The following CACNA1A variants were observed in gnomAD, a reference collection of about 807,000 sequenced individuals.
CACNA1A encodes voltage-dependent P/Q-type calcium channel subunit alpha-1A.
A neutral mutation model predicts 262.4 loss-of-function variants in CACNA1A; 57 were observed. That is an observed-to-expected ratio of 0.22 (90% CI 0.18 to 0.27). The LOEUF is 0.27. Ranked by LOEUF, CACNA1A falls within the 10% of genes least tolerant of loss-of-function variation. CACNA1A has a pLI of 1.00. For synonymous variants in CACNA1A, 1,431 were observed against 1,419.3 expected, an observed-to-expected ratio of 1.01 and a Z score of -0.18; for missense variants, 2,526 against 3,562.8, an observed-to-expected ratio of 0.71 and a Z score of 7.41.
chr19:13,308,372 A>G lies in CACNA1A; in HGVS notation c.1781+44T>C. 1 of 1,288,690 alleles carries G rather than the reference A, an allele frequency of 7.8e-7. No individual in the cohort carries two copies. The highest frequency in any genetic ancestry group is 1.1e-6 in the Non-Finnish European group (1 of 917,528). The allele number at this position is 1,288,690 out of a possible 1,614,324, so 79.8% of individuals were successfully genotyped here. ...TGGAGGCGGCCCCACCATGTCCCCC[A>G]TCCCCACCCCCTGTACAAATGTCCA... On this transcript the variant is annotated intron_variant, in intron 13 of 46. Coordinates refer to ENST00000360228, the MANE Select transcript of CACNA1A (RefSeq NM_001127222.2). The surrounding 1 kb of genome is among the most constrained non-coding windows in gnomAD (Gnocchi z 4.2).
At chr19:13,267,318 G>C (rs2056887442) in intron 24 of CACNA1A, among the ~76,000 whole-genome samples, 1 of 152,148 alleles carries the variant, frequency 6.6e-6, no homozygotes, top group African/African-American at 2.4e-5. Flanking sequence ...CAGCAGTTGG[G>C]GGAGCCTCAG....
At chr19:13,296,921 G>A (rs540048434) in intron 19 of CACNA1A, among the ~76,000 whole-genome samples, 4 of 151,496 alleles carry the variant, frequency 2.6e-5, no homozygotes, top group African/African-American at 9.7e-5. Context: ...CACCACATCT[G>A]TTTAATTTTT....
At chr19:13,293,531 C>T (rs778108299) in intron 19 of CACNA1A, among the ~76,000 whole-genome samples, 10 of 146,016 alleles carry the variant, frequency 6.8e-5, no homozygotes, top group East Asian at 4.3e-4. Context: ...CTGCAAGCTC[C>T]GCCTCCCGGG....
chr19:13,397,999 C>G (rs78785408), intron 3 of CACNA1A, among the ~76,000 whole-genome samples: 2,249 of 151,956 alleles, frequency 0.015, 51 homozygotes, highest in South Asian at 0.087. Flanking sequence ...CGGTGGCTCA[C>G]GGCTGTAATC....
At chr19:13,296,104 G>A (rs2057661256) in intron 19 of CACNA1A, among the ~76,000 whole-genome samples, 1 of 152,166 alleles carries the variant, frequency 6.6e-6, no homozygotes, top group African/African-American at 2.4e-5. Flanking sequence ...GTCCTCCAGA[G>A]TCTCATTACT....
chr19:13,397,729 G>A, intron 3 of CACNA1A, among the ~76,000 whole-genome samples: 1 of 152,218 alleles, frequency 6.6e-6, no homozygotes, highest in East Asian at 1.9e-4. Flanking sequence ...CTGCAAGTGG[G>A]TGCCGCCATG....
At chr19:13,210,857 G>A (rs1177371794) in intron 43 of CACNA1A, 2 of 627,706 alleles carry the variant, frequency 3.2e-6, no homozygotes, top group African/African-American at 1.8e-5. Flanking sequence ...AGGCCCCCGG[G>A]GCTGGGCGTC....
At chr19:13,393,149 A>T (rs1162170222) in intron 3 of CACNA1A, among the ~76,000 whole-genome samples, 1 of 152,220 alleles carries the variant, frequency 6.6e-6, no homozygotes, top group African/African-American at 2.4e-5. Context: ...TATCTCCCAT[A>T]GAAATATGAA....
chr19:13,261,751 G>A (rs1035501090), intron 25 of CACNA1A, 141 bp from the exon 26 acceptor site: 2 of 753,046 alleles, frequency 2.7e-6, no homozygotes, highest in Non-Finnish European at 4.3e-6. Context: ...CTAGGGTAAG[G>A]TCCCCCCAGC....
rs557206953 is a variant in CACNA1A, at chr19:13,381,642, G to C, written c.540-9863C>G. ...GGCAAATGGAACAGCCGGTGCAAAGGTCCAGCTGGTGCAAAGGTCCTCCTC... is the reference window on the plus strand; with the variant it reads ...GGCAAATGGAACAGCCGGTGCAAAGCTCCAGCTGGTGCAAAGGTCCTCCTC... On this transcript the variant is annotated intron_variant, in intron 3 of 46. Transcript: ENST00000360228. Among the ~76,000 whole-genome samples, 7 of 152,292 alleles carry C rather than the reference G, an allele frequency of 4.6e-5. No individual in the cohort carries two copies. In the South Asian group the frequency reaches 1.2e-3, roughly 27 times the overall value.
intron 1 of CACNA1A, among the ~76,000 whole-genome samples, chr19:13,468,195 C>T (rs918296817): frequency 1.3e-5 from 2 of 151,826 alleles, no homozygotes; most frequent in Non-Finnish European, 2.9e-5. Flanking sequence ...TTCAGACTCT[C>T]GGGGTCGGGA....
chr19:13,221,779 A>G (rs1221442785), intron 38 of CACNA1A, among the ~76,000 whole-genome samples: 1 of 151,880 alleles, frequency 6.6e-6, no homozygotes, highest in African/African-American at 2.4e-5. Flanking sequence ...TTAAACATAG[A>G]AGCTGCCTCC....
intron 24 of CACNA1A, among the ~76,000 whole-genome samples, chr19:13,267,566 A>G (rs2056893305): frequency 6.6e-6 from 1 of 152,150 alleles, no homozygotes; most frequent in Non-Finnish European, 1.5e-5. Context: ...GCAAGGTTTT[A>G]GAATGTCTAA....
intron 1 of CACNA1A, among the ~76,000 whole-genome samples, chr19:13,504,922 A>C (rs932722193): frequency 6.6e-6 from 1 of 152,174 alleles, no homozygotes; most frequent in African/African-American, 2.4e-5. Flanking sequence ...GCATCTCCAC[A>C]GAAGAAAATG....
intron 24 of CACNA1A, among the ~76,000 whole-genome samples, chr19:13,270,680 C>A (rs2056995204): frequency 6.6e-6 from 1 of 152,168 alleles, no homozygotes; most frequent in African/African-American, 2.4e-5. Context: ...AGGCACCTGG[C>A]CAGCTGTGCT....
chr19:13,335,943 T>G (rs1484733247), intron 6 of CACNA1A, 34 bp from the exon 7 acceptor site: 1 of 1,305,420 alleles, frequency 7.7e-7, no homozygotes, highest in African/African-American at 1.5e-5. Flanking sequence ...CAGGTGAGAG[T>G]TGACTGGGAC....
chr19:13,376,917 CAT>C (rs1357049579), intron 3 of CACNA1A, among the ~76,000 whole-genome samples: 20 of 135,278 alleles, frequency 1.5e-4, no homozygotes, highest in East Asian at 4.5e-4. Context: ...ATTTATATTA[CAT>C]ATATGTTATA....
chr19:13,423,973 G>T (rs1011373494), intron 3 of CACNA1A, among the ~76,000 whole-genome samples: 1 of 152,080 alleles, frequency 6.6e-6, no homozygotes, highest in Admixed American at 6.5e-5. Context: ...CCCCTCCACA[G>T]CCCCCTTGCC....
chr19:13,369,627 T>C (rs62111191), intron 4 of CACNA1A, among the ~76,000 whole-genome samples: 9,506 of 152,284 alleles, frequency 0.062, 731 homozygotes, highest in East Asian at 0.28. Context: ...TGGTAAGTCA[T>C]AGGTGGTCAT....
Sources: allele counts gnomAD v4.1 joint callset (sites outside exome capture counted in the v4.1 genomes callset), GRCh38; gene constraint gnomAD v4.1.1; non-coding constraint Gnocchi (gnomAD v3.1); transcripts MANE v1.5; gene names NCBI Gene and HGNC (gene_info 2026-07-23, HGNC 2026-07-21).